The following SUMO3 variants were observed in gnomAD, a reference collection of about 807,000 sequenced individuals.
The protein encoded by SUMO3 is small ubiquitin like modifier 3, also known as small ubiquitin-related modifier 3.
In SUMO3, 2 loss-of-function variants were observed where a neutral mutation model predicts 11.1. The ratio of observed to expected loss-of-function variants is 0.18; its 90% CI spans 0.07 to 0.57. SUMO3 has a LOEUF of 0.57. Among genes scored for constraint, SUMO3 ranks in the 20% least tolerant of loss-of-function variants. The pLI is 0.92. For missense variants in SUMO3, 70 were observed against 132.8 expected (o/e 0.53, Z 2.32); for synonymous variants, 56 against 53.5 (o/e 1.05, Z -0.20).
At chr21:44,809,655 G>A (rs1389388533) in intron 2 of SUMO3, among the ~76,000 whole-genome samples, 1 of 152,190 alleles carries the variant, frequency 6.6e-6, no homozygotes, top group East Asian at 1.9e-4. Flanking sequence ...AGCGTAACAC[G>A]TCACAGTGAC....
chr21:44,813,269 A>G (rs2083223041), intron 2 of SUMO3, among the ~76,000 whole-genome samples: 2 of 152,166 alleles, frequency 1.3e-5, no homozygotes, highest in South Asian at 2.1e-4. Flanking sequence ...GCCTGGCTGC[A>G]GGGCCGGGCC....
intron 1 of SUMO3, among the ~76,000 whole-genome samples, chr21:44,815,825 G>A (rs551939147): frequency 6.7e-6 from 1 of 149,268 alleles, no homozygotes; most frequent in East Asian, 2.0e-4. Flanking sequence ...CCAGACCCCT[G>A]GTGAATTCCT....
chr21:44,806,722 C>A lies in SUMO3; in HGVS notation c.*229G>T. On this transcript the variant is annotated 3_prime_UTR_variant, in exon 4 of 4. Coordinates refer to ENST00000332859, the MANE Select transcript of SUMO3 (RefSeq NM_006936.3). ...ACACAAAAGTACCCACAATATCTTG[C>A]AACTCATTTTACCTGAACAAAGATA... 1.7e-6 allele frequency: 2 copies of A among 1,144,504 alleles called. No homozygotes were observed. The highest frequency in any genetic ancestry group is 2.3e-6 in the Non-Finnish European group (2 of 855,868). The allele number at this position is 1,144,504 out of a possible 1,614,324, so 70.9% of individuals were successfully genotyped here.
At position 44,811,019 on chromosome 21, in the gene SUMO3, C is replaced by T. The variant is rs1223736895; in HGVS notation, c.151-1901G>A. ...CCACACATGCACACACCCACATATG[C>T]ACACACGCACACACCCACATACACA... On this transcript the variant is annotated intron_variant, in intron 2 of 3. Coordinates refer to ENST00000332859, the MANE Select transcript of SUMO3 (RefSeq NM_006936.3). The surrounding 1 kb of genome is among the most constrained non-coding windows in gnomAD (Gnocchi z 5.0). Among the ~76,000 whole-genome samples, 1 of 119,828 alleles carries T rather than the reference C, an allele frequency of 8.3e-6. No individual in the cohort carries two copies. The highest frequency in any genetic ancestry group is 2.1e-5 in the Non-Finnish European group (1 of 48,686). 78.6% of individuals were successfully genotyped at this position (119,828 alleles called of 152,430 possible). A position where few individuals can be genotyped will look rare whatever the true frequency, so the allele number is the denominator to read the frequency against.
rs1471164153 is a variant in SUMO3 at position 44,811,567 on chromosome 21, G to A, written c.150+2409C>T. 6.6e-6 allele frequency among the ~76,000 whole-genome samples: 1 copy of A among 151,746 alleles called. No homozygotes were observed. The highest frequency in any genetic ancestry group is 1.9e-4 in the East Asian group (1 of 5,178). Reference sequence around the variant, plus strand: ...AGCTTGGGGGACAGAGTGAGACCCTGTCTCAAAAAAAATAAGTTGCTACTG... The same window carrying A: ...AGCTTGGGGGACAGAGTGAGACCCTATCTCAAAAAAAATAAGTTGCTACTG... On this transcript the variant is annotated intron_variant, in intron 2 of 3. Transcript: ENST00000332859. This position sits in a 1 kb window ranked among gnomAD's most constrained non-coding sequence, Gnocchi z 5.0.
At chr21:44,808,938 C>T (rs2146420279) in intron 3 of SUMO3, 109 bp downstream of exon 3, 1 of 844,906 alleles carries the variant, frequency 1.2e-6, no homozygotes, top group South Asian at 1.4e-5. Flanking sequence ...ATCATTAAGG[C>T]ATTCTGTATG....
chr21:44,808,594 T>C (rs2083192639), intron 3 of SUMO3: 1 of 1,375,916 alleles, frequency 7.3e-7, no homozygotes, highest in African/African-American at 1.5e-5. Context: ...TGAAATCTCA[T>C]TCATGTCTGC....
At position 44,810,110 on chromosome 21, in the gene SUMO3, T is replaced by C. The variant is rs2083201632; in HGVS notation, c.151-992A>G. On this transcript the variant is annotated intron_variant, in intron 2 of 3. Coordinates refer to ENST00000332859, the MANE Select transcript of SUMO3 (RefSeq NM_006936.3). This position sits in a 1 kb window ranked among gnomAD's most constrained non-coding sequence, Gnocchi z 4.1. ...TCTGCGTCCTGAGGGAATGGAGAAA[T>C]GTGGTCAGGGGCAGAAACATTTCCT... is the stretch of plus-strand genomic sequence containing the variant. Among the ~76,000 whole-genome samples the C allele has an allele frequency of 6.6e-6, 1 of 152,026 alleles. No homozygotes were observed. The highest frequency in any genetic ancestry group is 2.1e-4 in the South Asian group (1 of 4,818).
At position 44,808,999 on chromosome 21, in the gene SUMO3, C is replaced by G. The variant is rs763749389; in HGVS notation, c.222+48G>C. The G allele has an allele frequency of 6.5e-6, 10 of 1,537,034 alleles. No individual in the cohort carries two copies. The African/African-American group carries it at 1.4e-4, about 21-fold the overall frequency. On this transcript the variant is annotated intron_variant, in intron 3 of 3. Coordinates refer to ENST00000332859, the MANE Select transcript of SUMO3 (RefSeq NM_006936.3). ...AGCGTATCCCAAATGGCAGTTACCC[C>G]GCACAAATCGGAAGTCGCCCTGGAA...
chr21:44,808,795 C>T (rs534277091), intron 3 of SUMO3, among the ~76,000 whole-genome samples: 5 of 152,334 alleles, frequency 3.3e-5, no homozygotes, highest in South Asian at 4.1e-4. Context: ...CTTGCACCCC[C>T]GCTTCCCTTA....
At chr21:44,815,611 CT>C (rs1261862847) in intron 1 of SUMO3, among the ~76,000 whole-genome samples, 1 of 152,208 alleles carries the variant, frequency 6.6e-6, no homozygotes, top group Non-Finnish European at 1.5e-5. Flanking sequence ...CATGAGCCCC[CT>C]TCACTTCCCC....
At chr21:44,815,706 A>T (rs1295411796) in intron 1 of SUMO3, among the ~76,000 whole-genome samples, 1 of 152,094 alleles carries the variant, frequency 6.6e-6, no homozygotes, top group Non-Finnish European at 1.5e-5. Flanking sequence ...GACGTCCCCC[A>T]CAGGGTAATG....
At chr21:44,816,683 C>G (rs1437903169) in intron 1 of SUMO3, among the ~76,000 whole-genome samples, 1 of 152,108 alleles carries the variant, frequency 6.6e-6, no homozygotes, top group African/African-American at 2.4e-5. Flanking sequence ...ACAGACCCTC[C>G]CGAGAAGGAA....
intron 3 of SUMO3, chr21:44,808,212 T>TA (rs1000074792): frequency 7.7e-4 from 152 of 197,860 alleles, no homozygotes; most frequent in Middle Eastern, 3.5e-3. Flanking sequence ...GAACCAAGTT[T>TA]AAAAAAAAAC....
At position 44,810,544 on chromosome 21, in the gene SUMO3, G is replaced by A. The variant is rs1243667767; in HGVS notation, c.151-1426C>T. Among the ~76,000 whole-genome samples the A allele has an allele frequency of 1.3e-5, 2 of 152,204 alleles. No individual in the cohort carries two copies. The highest frequency in any genetic ancestry group is 4.8e-5 in the African/African-American group (2 of 41,430). ...GTGGGTGCGGAGCTCCAGGCGCAGG[G>A]CGGAAACAGGCCCACGAAAGCGCGT... On this transcript the variant is annotated intron_variant, in intron 2 of 3. Transcript: ENST00000332859. This position sits in a 1 kb window ranked among gnomAD's most constrained non-coding sequence, Gnocchi z 4.1.
At position 44,807,192 on chromosome 21, in the gene SUMO3, G is replaced by C; in HGVS notation, c.223-152C>G. ...GGCTCTTGTCCGTCCCCTCACTGCA[G>C]CTCAGCACGCATGGAAGAGGCATTG... is the stretch of plus-strand genomic sequence containing the variant. On this transcript the variant is annotated intron_variant, in intron 3 of 3. Coordinates refer to ENST00000332859, the MANE Select transcript of SUMO3 (RefSeq NM_006936.3). This position sits in a 1 kb window ranked among gnomAD's most constrained non-coding sequence, Gnocchi z 4.3. The C allele has an allele frequency of 2.2e-6, 2 of 891,512 alleles. No homozygotes were observed. Among genetic ancestry groups the C allele is most frequent in the Non-Finnish European group, 3.4e-6 (2 of 593,572 alleles). The allele number at this position is 891,512 out of a possible 1,614,324, so 55.2% of individuals were successfully genotyped here. A position where few individuals can be genotyped will look rare whatever the true frequency, so the allele number is the denominator to read the frequency against.
At chr21:44,813,402 C>T in intron 2 of SUMO3, 1 of 190,890 alleles carries the variant, frequency 5.2e-6, no homozygotes, top group Admixed American at 5.3e-5. Context: ...CACACCACGT[C>T]ACAAACAGCA....
intron 1 of SUMO3, among the ~76,000 whole-genome samples, chr21:44,816,703 C>T (rs535137437): frequency 2.0e-5 from 3 of 152,178 alleles, no homozygotes; most frequent in East Asian, 3.9e-4. Context: ...ATGGCCAGTG[C>T]ACCTGAATGC....
At position 44,808,918 on chromosome 21, in the gene SUMO3, AAT is replaced by A. The variant is rs753782808; in HGVS notation, c.222+127_222+128del. The A allele has an allele frequency of 4.0e-6, 3 of 754,974 alleles. No homozygotes were observed. The South Asian group carries it at 4.7e-5, about 12-fold the overall frequency. The allele number at this position is 754,974 out of a possible 1,614,324, so 46.8% of individuals were successfully genotyped here. A position where few individuals can be genotyped will look rare whatever the true frequency, so the allele number is the denominator to read the frequency against. The stretch of plus-strand genomic sequence containing the variant: ...TTAAAATGTGAAAAATAAATAATCT[AAT>A]AATCAATATCATTAAGGCATTCTGT... On this transcript the variant is annotated intron_variant, in intron 3 of 3. Coordinates refer to ENST00000332859, the MANE Select transcript of SUMO3 (RefSeq NM_006936.3).
Sources: gnomAD v4.1 joint callset for allele counts (sites outside exome capture counted in the v4.1 genomes callset) on GRCh38, gnomAD v4.1.1 for gene constraint, Gnocchi (gnomAD v3.1) non-coding constraint, MANE v1.5 for transcripts, NCBI Gene and HGNC (gene_info 2026-07-23, HGNC 2026-07-21) for gene names.